The following PHF24 variants were observed in gnomAD, a reference collection of about 807,000 sequenced individuals.
The protein encoded by PHF24 is Galpha inhibitory interacting protein.
A neutral mutation model predicts 42.6 loss-of-function variants in PHF24; 25 were observed. That is an observed-to-expected ratio of 0.59 (90% confidence interval 0.43 to 0.82). PHF24 has a LOEUF of 0.82. Ranked by LOEUF, PHF24 falls within the 40% of genes least tolerant of loss-of-function variation. PHF24 has a pLI of 0.00. For missense variants in PHF24, 470 were observed against 538.1 expected (o/e 0.87, Z 1.25); for synonymous variants, 185 against 204.8 (o/e 0.90, Z 0.83).
chr9:34,681,669 G>A, the PHF24 span, among the ~76,000 whole-genome samples: 1 of 152,310 alleles, frequency 6.6e-6, no homozygotes, highest in South Asian at 2.1e-4. Context: ...AAAGTAGCTG[G>A]GTGTGGTGGT....
the PHF24 span, among the ~76,000 whole-genome samples, chr9:34,831,495 T>A: frequency 3.9e-5 from 6 of 152,100 alleles, no homozygotes; most frequent in African/African-American, 1.4e-4. Context: ...CCCAGAAACT[T>A]CAGTGCTCAA....
At chr9:34,819,124 A>T in the PHF24 span, among the ~76,000 whole-genome samples, 1 of 152,114 alleles carries the variant, frequency 6.6e-6, no homozygotes, top group African/African-American at 2.4e-5. Context: ...TAATACCTGT[A>T]GACTGTTTTA....
chr9:34,842,588 C>T, the PHF24 span, among the ~76,000 whole-genome samples: 1 of 152,110 alleles, frequency 6.6e-6, no homozygotes, highest in African/African-American at 2.4e-5. Context: ...AGCATTTGTC[C>T]CCTCTGGAGG....
At chr9:34,806,559 A>G in the PHF24 span, among the ~76,000 whole-genome samples, 2 of 152,120 alleles carry the variant, frequency 1.3e-5, no homozygotes, top group African/African-American at 4.8e-5. Flanking sequence ...CCTGGGTTCA[A>G]GCAATTCTCC....
chr9:34,936,006 AT>A, the PHF24 span, among the ~76,000 whole-genome samples: 1 of 151,078 alleles, frequency 6.6e-6, no homozygotes, highest in African/African-American at 2.4e-5. Flanking sequence ...AAAAAAAAAA[AT>A]TGAGTCTCCC....
At chr9:34,870,150 C>T in the PHF24 span, among the ~76,000 whole-genome samples, 30 of 152,056 alleles carry the variant, frequency 2.0e-4, no homozygotes, top group Admixed American at 5.2e-4. Flanking sequence ...AAACCTTCCC[C>T]ACTATCAACA....
chr9:34,904,156 A>G, the PHF24 span, among the ~76,000 whole-genome samples: 1 of 152,198 alleles, frequency 6.6e-6, no homozygotes, highest in Non-Finnish European at 1.5e-5. Flanking sequence ...GTAGACGATC[A>G]TATTGTCACC....
chr9:34,895,124 AT>A, the PHF24 span: 2 of 398,000 alleles, frequency 5.0e-6, no homozygotes, highest in African/African-American at 2.1e-5. Context: ...CTGCTACACC[AT>A]TTTTTCCCAT....
At chr9:34,977,384 C>A in intron 6 of PHF24, 141 bp downstream of exon 6, 1 of 1,222,296 alleles carries the variant, frequency 8.2e-7, no homozygotes, top group South Asian at 1.4e-5. Context: ...GATGGTGATG[C>A]CTACGGGCCA....
the PHF24 span, among the ~76,000 whole-genome samples, chr9:34,893,602 A>C: frequency 7.2e-6 from 1 of 138,980 alleles, no homozygotes; most frequent in East Asian, 2.0e-4. Context: ...ACTCTGTCTC[A>C]AAAAAAAAAA....
At chr9:34,976,382 TATCCCTGTC>T in intron 4 of PHF24, 144 bp from the exon 5 acceptor site, 3 of 983,708 alleles carry the variant, frequency 3.0e-6, no homozygotes, top group Non-Finnish European at 4.7e-6. Context: ...CAGAGTCACC[TATCCCTGTC>T]ACAGCCTGGG....
intron 1 of PHF24, among the ~76,000 whole-genome samples, chr9:34,965,602 A>C (rs537955303): frequency 6.6e-6 from 1 of 152,374 alleles, no homozygotes; most frequent in Admixed American, 6.5e-5. Flanking sequence ...CATTGCAATG[A>C]CATAGTTGAC....
chr9:34,959,980 T>TGAG (rs753171523), intron 1 of PHF24, among the ~76,000 whole-genome samples: 1 of 152,144 alleles, frequency 6.6e-6, no homozygotes, highest in Non-Finnish European at 1.5e-5. Context: ...TGCCTCTGCA[T>TGAG]GAGGAGGAGG....
chr9:34,894,813 A>C, the PHF24 span, among the ~76,000 whole-genome samples: 1 of 152,176 alleles, frequency 6.6e-6, no homozygotes, highest in Non-Finnish European at 1.5e-5. Context: ...TTCTGCCCTA[A>C]TTCCTCATTC....
the PHF24 span, chr9:34,728,092 G>A: frequency 1.4e-5 from 22 of 1,551,456 alleles, no homozygotes; most frequent in Admixed American, 5.9e-5. Flanking sequence ...GCTGAGGAAC[G>A]GGGAGACAGT....
At chr9:34,886,842 C>G in the PHF24 span, among the ~76,000 whole-genome samples, 153 of 151,300 alleles carry the variant, frequency 1.0e-3, 1 homozygote, top group African/African-American at 3.3e-3. Flanking sequence ...ATGTATCTAT[C>G]TATCTATCTA....
chr9:34,971,629 C>A, exon 2 of PHF24: 1 of 1,613,768 alleles, frequency 6.2e-7, no homozygotes. Flanking sequence ...CACCCGGAAG[C>A]TGGATGATGA....
chr9:34,970,192 C>T (rs1826924662), intron 1 of PHF24, among the ~76,000 whole-genome samples: 1 of 152,210 alleles, frequency 6.6e-6, no homozygotes, highest in African/African-American at 2.4e-5. Flanking sequence ...TCTCCTCAGG[C>T]TAGGAAATAG....
chr9:34,759,983 C>T, the PHF24 span, among the ~76,000 whole-genome samples: 2 of 152,166 alleles, frequency 1.3e-5, no homozygotes, highest in Non-Finnish European at 2.9e-5. Context: ...CAGTGTCTTC[C>T]TGAACAAGGG....
Sources: allele counts gnomAD v4.1 joint callset (sites outside exome capture counted in the v4.1 genomes callset), GRCh38; gene constraint gnomAD v4.1.1; transcripts MANE v1.5; gene names NCBI Gene and HGNC (gene_info 2026-07-23, HGNC 2026-07-21).